AUTS2: variants seen among roughly 807,000 people sequenced by gnomAD.
The protein encoded by AUTS2 is autism susceptibility gene 2 protein.
AUTS2 carries 17 observed loss-of-function variants against 112.4 expected under a neutral mutation model. The observed-to-expected ratio is 0.15, with a 90% confidence interval of 0.10 to 0.23. AUTS2 has a LOEUF of 0.23. Ranked by LOEUF, AUTS2 falls within the 10% of genes least tolerant of loss-of-function variation. The pLI, the probability that AUTS2 is intolerant of heterozygous loss-of-function variation, is 1.00. For synonymous variants in AUTS2, 751 were observed against 702.7 expected, an observed-to-expected ratio of 1.07 and a Z score of -1.09; for missense variants, 1,510 against 1,701.6, an observed-to-expected ratio of 0.89 and a Z score of 1.98.
chr7:70,435,841 T>C, intron 5 of AUTS2, 60 bp downstream of exon 5: 1 of 1,563,658 alleles, frequency 6.4e-7, no homozygotes, highest in South Asian at 1.1e-5. Context: ...ACCAGAGTCC[T>C]CCCACACACA....
chr7:70,658,867 AG>A (rs1371511075), intron 5 of AUTS2, among the ~76,000 whole-genome samples: 2 of 152,262 alleles, frequency 1.3e-5, no homozygotes, highest in Non-Finnish European at 2.9e-5. Flanking sequence ...GACATATTGC[AG>A]AGCTAATGTA....
chr7:69,783,088 C>CTTTTTTT (rs398047755), intron 1 of AUTS2, among the ~76,000 whole-genome samples: 1 of 85,136 alleles, frequency 1.2e-5, no homozygotes, highest in Non-Finnish European at 2.4e-5. Context: ...TGCTGCTCAT[C>CTTTTTTT]TTTTTTTTTT....
chr7:70,700,985 A>G (rs1809426646), intron 6 of AUTS2, among the ~76,000 whole-genome samples: 1 of 152,250 alleles, frequency 6.6e-6, no homozygotes, highest in African/African-American at 2.4e-5. Flanking sequence ...TAACAAACAC[A>G]ACTGGGGAAA....
At chr7:69,934,513 A>G (rs370249287) in intron 2 of AUTS2, among the ~76,000 whole-genome samples, 5 of 152,184 alleles carry the variant, frequency 3.3e-5, no homozygotes, top group East Asian at 3.9e-4. Context: ...AAAGCCCTTG[A>G]CACTGGACAG....
At chr7:69,725,552 T>G (rs977336404) in intron 1 of AUTS2, among the ~76,000 whole-genome samples, 2 of 152,124 alleles carry the variant, frequency 1.3e-5, no homozygotes, top group Non-Finnish European at 2.9e-5. Flanking sequence ...ACAGAAAGAC[T>G]AGTATGGACC....
At chr7:70,590,393 C>A (rs1032167817) in intron 5 of AUTS2, among the ~76,000 whole-genome samples, 1 of 152,090 alleles carries the variant, frequency 6.6e-6, no homozygotes, top group South Asian at 2.1e-4. Flanking sequence ...ACTCAAACTG[C>A]CTTGTTCTTA....
intron 1 of AUTS2, among the ~76,000 whole-genome samples, chr7:69,654,937 T>G (rs1216359687): frequency 6.6e-6 from 1 of 152,178 alleles, no homozygotes; most frequent in African/African-American, 2.4e-5. Flanking sequence ...ATAAGTGCTC[T>G]TGCTTTGTAA....
intron 4 of AUTS2, among the ~76,000 whole-genome samples, chr7:70,328,378 C>T (rs1048784726): frequency 3.3e-5 from 5 of 152,024 alleles, no homozygotes; most frequent in Admixed American, 1.3e-4. Flanking sequence ...TGCAACACCA[C>T]ACCTGGTTTA....
intron 1 of AUTS2, among the ~76,000 whole-genome samples, chr7:69,799,288 G>A (rs1006873485): frequency 3.9e-5 from 6 of 152,050 alleles, no homozygotes; most frequent in East Asian, 1.9e-4. Flanking sequence ...GGGAGTCTAC[G>A]TTGTCTTCAT....
At chr7:70,596,443 C>G (rs933395797) in intron 5 of AUTS2, 1 of 152,198 alleles carries the variant, frequency 6.6e-6, no homozygotes, top group African/African-American at 2.4e-5. Context: ...AGCCGTGGTA[C>G]CGCACGGCTG....
At chr7:70,561,789 G>C (rs550106209) in intron 5 of AUTS2, among the ~76,000 whole-genome samples, 1 of 152,052 alleles carries the variant, frequency 6.6e-6, no homozygotes, top group Non-Finnish European at 1.5e-5. Flanking sequence ...TCCTTTCCGG[G>C]GGTCCTGCAG....
At chr7:69,613,401 A>C (rs1013747245) in intron 1 of AUTS2, among the ~76,000 whole-genome samples, 7 of 152,184 alleles carry the variant, frequency 4.6e-5, no homozygotes, top group Admixed American at 4.6e-4. Context: ...TCTGTAACAT[A>C]TTCGTTGTTG....
At chr7:70,028,066 C>A (rs1288446615) in intron 2 of AUTS2, among the ~76,000 whole-genome samples, 1 of 150,548 alleles carries the variant, frequency 6.6e-6, no homozygotes, top group African/African-American at 2.4e-5. Flanking sequence ...CTCTGTCCGC[C>A]CCCCCCACCC....
At chr7:69,603,230 A>AGCTG (rs1300331060) in intron 1 of AUTS2, among the ~76,000 whole-genome samples, 2 of 152,210 alleles carry the variant, frequency 1.3e-5, no homozygotes, top group African/African-American at 4.8e-5. Context: ...TCAGAGCAAT[A>AGCTG]GCTGGCAAAC....
Position 69,898,560 on chromosome 7 carries a change from G to A in AUTS2, c.310-726G>A, listed in dbSNP as rs78839859. ...GCCTGGAGGCACAGAACTCTTATCA[G>A]GTCATGTGGCCTGAAATGCTTACCT... On this transcript the variant is annotated intron_variant, in intron 1 of 18. Transcript: ENST00000342771. 2.6e-5 allele frequency among the ~76,000 whole-genome samples: 4 copies of A among 152,236 alleles called. No homozygotes were observed. The East Asian group carries it at 7.7e-4, about 29-fold the overall frequency.
intron 5 of AUTS2, among the ~76,000 whole-genome samples, chr7:70,660,565 C>T (rs1270464954): frequency 4.6e-5 from 7 of 152,214 alleles, no homozygotes; most frequent in Non-Finnish European, 1.0e-4. Context: ...GGAAGGCCCA[C>T]CCCTTCCTTT....
intron 2 of AUTS2, among the ~76,000 whole-genome samples, chr7:70,004,381 T>TATAAC (rs1291309543): frequency 2.5e-5 from 3 of 120,768 alleles, no homozygotes; most frequent in Non-Finnish European, 4.9e-5. Flanking sequence ...TATTCATATA[T>TATAAC]ATATTATATA....
chr7:70,471,718 A>G (rs1382721212), intron 5 of AUTS2, among the ~76,000 whole-genome samples: 1 of 152,064 alleles, frequency 6.6e-6, no homozygotes, highest in Non-Finnish European at 1.5e-5. Context: ...CAGGGAGGGA[A>G]ATACAGTGGG....
At chr7:70,527,760 G>A (rs955896143) in intron 5 of AUTS2, among the ~76,000 whole-genome samples, 4 of 152,208 alleles carry the variant, frequency 2.6e-5, no homozygotes, top group Admixed American at 2.0e-4. Flanking sequence ...CACTGGGGGG[G>A]AAGTGTCAGT....
Sources: allele counts gnomAD v4.1 joint callset (sites outside exome capture counted in the v4.1 genomes callset), GRCh38; gene constraint gnomAD v4.1.1; transcripts MANE v1.5; gene names NCBI Gene and HGNC (gene_info 2026-07-23, HGNC 2026-07-21).